Variants in SDK1 observed in about 807,000 individuals in gnomAD.
SDK1 encodes sidekick cell adhesion molecule 1, also known as protein sidekick-1.
SDK1 carries 157 observed loss-of-function variants against 245.5 expected under a neutral mutation model. The ratio of observed to expected loss-of-function variants is 0.64; its 90% CI spans 0.56 to 0.73. SDK1 has a LOEUF of 0.73. Among genes scored for constraint, SDK1 ranks in the 30% least tolerant of loss-of-function variants. The probability of loss-of-function intolerance (pLI) is 0.00; values close to 1 mark genes in which losing one functional copy is unlikely to be tolerated. For synonymous variants in SDK1, 1,647 were observed against 1,278.5 expected (o/e 1.29, Z -6.15); for missense variants, 3,583 against 3,002.3 (o/e 1.19, Z -4.52).
At chr7:3,443,078 T>TC (rs1178814741) in intron 1 of SDK1, among the ~76,000 whole-genome samples, 1 of 144,912 alleles carries the variant, frequency 6.9e-6, no homozygotes, top group Non-Finnish European at 1.5e-5. Flanking sequence ...TTTTTTTTTT[T>TC]CCCTCCCAAG....
At chr7:3,413,372 GGATGT>G (rs2128578183) in intron 1 of SDK1, among the ~76,000 whole-genome samples, 1 of 152,304 alleles carries the variant, frequency 6.6e-6, no homozygotes, top group African/African-American at 2.4e-5. Flanking sequence ...TTTCAAATAT[GGATGT>G]GATGTTGAGA....
intron 4 of SDK1, among the ~76,000 whole-genome samples, chr7:3,650,928 G>T (rs916549419): frequency 6.6e-6 from 1 of 151,230 alleles, no homozygotes; most frequent in South Asian, 2.1e-4. Flanking sequence ...TTCTTGGTGT[G>T]GCCATAATGT....
At chr7:4,008,067 G>A (rs986885219) in intron 14 of SDK1, among the ~76,000 whole-genome samples, 9 of 152,110 alleles carry the variant, frequency 5.9e-5, no homozygotes, top group Admixed American at 4.6e-4. Flanking sequence ...GCTCCCCGTT[G>A]CCCTTTCCCC....
chr7:3,516,849 AAT>A (rs1336502888), intron 1 of SDK1, among the ~76,000 whole-genome samples: 1 of 152,176 alleles, frequency 6.6e-6, no homozygotes, highest in African/African-American at 2.4e-5. Context: ...CATTAACTGT[AAT>A]AGACTTTATC....
At chr7:3,562,944 C>T (rs896231667) in intron 1 of SDK1, among the ~76,000 whole-genome samples, 1 of 139,672 alleles carries the variant, frequency 7.2e-6, no homozygotes, top group African/African-American at 2.7e-5. Flanking sequence ...GATCAAGTCC[C>T]CTGGCAAAGT....
At chr7:3,370,906 C>G (rs987588462) in intron 1 of SDK1, among the ~76,000 whole-genome samples, 2 of 152,258 alleles carry the variant, frequency 1.3e-5, no homozygotes, top group South Asian at 4.1e-4. Flanking sequence ...TCTCCACTAG[C>G]TCCTTTCTCT....
chr7:3,587,723 A>C (rs1217859434), intron 1 of SDK1, among the ~76,000 whole-genome samples: 2 of 152,218 alleles, frequency 1.3e-5, no homozygotes, highest in African/African-American at 2.4e-5. Flanking sequence ...TGTTTAATTA[A>C]GTATCTGGGC....
At chr7:3,713,695 C>A (rs1391965258) in intron 4 of SDK1, among the ~76,000 whole-genome samples, 1 of 152,220 alleles carries the variant, frequency 6.6e-6, no homozygotes, top group East Asian at 1.9e-4. Context: ...GATCACTGAT[C>A]ATAGAACCTG....
chr7:4,028,540 A>G (rs1361364488), intron 17 of SDK1, among the ~76,000 whole-genome samples: 1 of 152,208 alleles, frequency 6.6e-6, no homozygotes, highest in African/African-American at 2.4e-5. Context: ...AAAGGTGGAT[A>G]TGGGTGATGA....
At chr7:3,821,242 C>T (rs1309669242) in intron 4 of SDK1, among the ~76,000 whole-genome samples, 1 of 116,836 alleles carries the variant, frequency 8.6e-6, no homozygotes, top group Non-Finnish European at 1.7e-5. Flanking sequence ...TAGGCTCAGA[C>T]ACTGGGGCTG....
chr7:3,495,645 G>A (rs1782001399), intron 1 of SDK1, among the ~76,000 whole-genome samples: 1 of 152,212 alleles, frequency 6.6e-6, no homozygotes, highest in African/African-American at 2.4e-5. Context: ...AAGTAATGAT[G>A]TCATGCTTCC....
At chr7:3,798,120 G>A (rs1265616565) in intron 4 of SDK1, among the ~76,000 whole-genome samples, 1 of 151,048 alleles carries the variant, frequency 6.6e-6, no homozygotes, top group Admixed American at 6.6e-5. Context: ...TCCTGTTCTG[G>A]GATCCTTTCT....
rs538307435 is a variant in SDK1 at position 3,512,470 on chromosome 7, T to C, written c.299-106610T>C. Reference sequence around the variant, plus strand: ...TGTGGAAATAAGTTTTCCATTTCTTTGGGTGAATACCAAGGAGTGTGGATC... The same window carrying C: ...TGTGGAAATAAGTTTTCCATTTCTTCGGGTGAATACCAAGGAGTGTGGATC... On this transcript the variant is annotated intron_variant, in intron 1 of 44. Transcript: ENST00000404826. Among the ~76,000 whole-genome samples the C allele has an allele frequency of 2.6e-5, 4 of 152,354 alleles. No individual in the cohort carries two copies. In the East Asian group the frequency reaches 7.7e-4, roughly 29 times the overall value.
chr7:4,006,705 G>A (rs901010423), intron 14 of SDK1, among the ~76,000 whole-genome samples: 1 of 152,306 alleles, frequency 6.6e-6, no homozygotes, highest in South Asian at 2.1e-4. Flanking sequence ...TCTAGTGAAA[G>A]AGGAAAAAGA....
At chr7:4,078,961 G>A (rs930403456) in intron 21 of SDK1, among the ~76,000 whole-genome samples, 4 of 152,016 alleles carry the variant, frequency 2.6e-5, no homozygotes, top group Non-Finnish European at 5.9e-5. Context: ...CGGGTGTCAC[G>A]TCGCCTGGGA....
intron 44 of SDK1, among the ~76,000 whole-genome samples, chr7:4,263,531 G>T: frequency 1.0e-5 from 1 of 97,030 alleles, no homozygotes; most frequent in Admixed American, 9.2e-5. Flanking sequence ...GAGTGGGGAG[G>T]CCGCGTAGAC....
chr7:4,031,652 A>G (rs944410739), intron 17 of SDK1, among the ~76,000 whole-genome samples: 2 of 152,216 alleles, frequency 1.3e-5, no homozygotes, highest in Non-Finnish European at 2.9e-5. Context: ...AACTATCTAC[A>G]TATAAATATA....
At chr7:3,447,896 G>T (rs188760707) in intron 1 of SDK1, among the ~76,000 whole-genome samples, 31 of 151,856 alleles carry the variant, frequency 2.0e-4, no homozygotes, top group Non-Finnish European at 3.5e-4. Context: ...TAGAGACAGG[G>T]TTTCTCCATG....
chr7:4,253,142 C>G (rs994433340), intron 44 of SDK1, among the ~76,000 whole-genome samples: 2 of 152,034 alleles, frequency 1.3e-5, no homozygotes, highest in Admixed American at 6.6e-5. Context: ...TATTTCTACT[C>G]TAATCTTTAT....
Sources: gnomAD v4.1 joint callset for allele counts (sites outside exome capture counted in the v4.1 genomes callset) on GRCh38, gnomAD v4.1.1 for gene constraint, MANE v1.5 for transcripts, NCBI Gene and HGNC (gene_info 2026-07-23, HGNC 2026-07-21) for gene names.